Variants in NDN observed in about 807,000 individuals in gnomAD.
NDN encodes the protein necdin, MAGE family member.
For synonymous variants in NDN, 245 were observed against 189.4 expected (o/e 1.29, Z -2.41); for missense variants, 465 against 440.4 (o/e 1.06, Z -0.50).
Position 23,686,707 on chromosome 15 carries a change from G to C in NDN, c.511C>G (p.Leu171Val), listed in dbSNP as rs1362894260. ...HTMEFALVKALEPEELDRVAL... is the reference protein window; with the variant it reads ...HTMEFALVKAVEPEELDRVAL... ...ACCCTGTCCAGCTCCTCGGGCTCCA[G>C]CGCTTTGACCAGCGCAAACTCCATG... Residue 171 changes from leucine to valine, a missense_variant, in exon 1 of 1, where the codon CTG (leucine) becomes GTG (valine). By Grantham distance (32) the Leu-to-Val change is conservative. Coordinates refer to ENST00000649030, the MANE Select transcript of NDN (RefSeq NM_002487.3). The C allele has an allele frequency of 3.1e-6, 5 of 1,613,926 alleles. No individual in the cohort carries two copies. The African/African-American group carries it at 6.7e-5, about 21-fold the overall frequency.
chr15:23,686,340 C>T lies in NDN; in HGVS notation c.878G>A (p.Arg293Gln), dbSNP rs868081273. The change falls in exon 1 of 1, where the codon CGA (arginine) becomes CAA (glutamine). Residue 293 changes from arginine (R) to glutamine (Q), a missense_variant. Arg to Gln is a conservative substitution (Grantham distance 43). Transcript: ENST00000649030. ...GGCCTCCTCCAGAGCTTCTCTGTAT[C>T]GGGAGGGCCAGGCCTGGGGGTCTTT... ...FKKDPQAWPS[R>Q]YREALEEARA... The T allele has an allele frequency of 6.4e-7, 1 of 1,573,912 alleles. No homozygotes were observed.
In NDN at chr15:23,686,576, C is replaced by T; in HGVS notation, c.642G>A (p.Leu214=). 3.7e-6 allele frequency: 6 copies of T among 1,613,282 alleles called. No individual in the cohort carries two copies. The highest frequency in any genetic ancestry group is 5.1e-6 in the Non-Finnish European group (6 of 1,179,954). The change falls in exon 1 of 1, where the codon CTG becomes CTA. Residue 214 remains leucine (L), a synonymous_variant. Transcript: ENST00000649030. Reference sequence around the variant, plus strand: ...TCCAGGGCCGCAGCCCCAGGATGCGCAGCACGTTCCAGACGGCGCTCTCTC... The same window carrying T: ...TCCAGGGCCGCAGCCCCAGGATGCGTAGCACGTTCCAGACGGCGCTCTCTC... ...GARESAVWNV[L]RILGLRPWKK...
rs1358257392 is a variant in NDN at position 23,686,249 on chromosome 15, T to C, written c.*3A>G. The C allele has an allele frequency of 2.2e-5, 33 of 1,507,398 alleles. No individual in the cohort carries two copies. Among genetic ancestry groups the C allele is most frequent in the Non-Finnish European group, 2.7e-5 (30 of 1,129,910 alleles). 93.4% of individuals were successfully genotyped at this position (1,507,398 alleles called of 1,614,324 possible). On this transcript the variant is annotated 3_prime_UTR_variant, in exon 1 of 1. Coordinates refer to ENST00000649030, the MANE Select transcript of NDN (RefSeq NM_002487.3). ...GAAACCATTCATCTGCCTCCAGACTTTGCTAGTCCTCAGAGACACTGCTGC... is the reference window on the plus strand; with the variant it reads ...GAAACCATTCATCTGCCTCCAGACTCTGCTAGTCCTCAGAGACACTGCTGC...
chr15:23,686,264 G>C lies in NDN; in HGVS notation c.954C>G (p.Val318=). The change falls in exon 1 of 1, where the codon GTC becomes GTG. Residue 318 remains valine, a synonymous_variant. Transcript: ENST00000649030. ...NPTAHYPRSS[V]SED ...CCTCCAGACTTTGCTAGTCCTCAGA[G>C]ACACTGCTGCGAGGGTAGTGGGCAG... is the stretch of plus-strand genomic sequence containing the variant. 1.3e-6 allele frequency: 2 copies of C among 1,509,660 alleles called. No individual in the cohort carries two copies. Among genetic ancestry groups the C allele is most frequent in the Non-Finnish European group, 1.8e-6 (2 of 1,130,632 alleles). The allele number at this position is 1,509,660 out of a possible 1,614,324, so 93.5% of individuals were successfully genotyped here.
chr15:23,686,979 T>C lies in NDN; in HGVS notation c.239A>G (p.His80Arg), dbSNP rs1262955919. ...CGGCTGGGCCGCGCTCGGGGCCTGG[T>C]GGGCGCGGCCCTCCTCCGCAGCCTG... The part of the protein sequence containing the change: ...LQQAAEEGRA[H>R]QAPSAAQPGP... Residue 80 changes from histidine to arginine, a missense_variant, in exon 1 of 1, where the codon CAC becomes CGC. Physicochemically the swap from His to Arg is conservative, Grantham distance 29. Transcript: ENST00000649030. The C allele has an allele frequency of 4.0e-6, 6 of 1,499,394 alleles. No individual in the cohort carries two copies. The African/African-American group carries it at 8.5e-5, about 21-fold the overall frequency. 92.9% of individuals were successfully genotyped at this position (1,499,394 alleles called of 1,614,324 possible). A position where few individuals can be genotyped will look rare whatever the true frequency, so the allele number is the denominator to read the frequency against.
rs1381597408 is a variant in NDN at position 23,687,110 on chromosome 15, C to G, written c.108G>C (p.Ala36=). The change falls in exon 1 of 1, where the codon GCG becomes GCC. Residue 36 remains alanine, a synonymous_variant. Coordinates refer to ENST00000649030, the MANE Select transcript of NDN (RefSeq NM_002487.3). ...PGVSEGVPPS[A]TLAEPQSPPL... is the part of the protein sequence containing the mutation. Reference sequence around the variant, plus strand: ...GAGGGCTCTGCGGCTCTGCCAGGGTCGCGGACGGAGGAACCCCCTCCGAAA... The same window carrying G: ...GAGGGCTCTGCGGCTCTGCCAGGGTGGCGGACGGAGGAACCCCCTCCGAAA... 6.3e-7 allele frequency: 1 copy of G among 1,582,710 alleles called. No individual in the cohort carries two copies.
rs545632663 is a variant in NDN, at chr15:23,685,921, C to A, written c.*331G>T. The A allele has an allele frequency of 6.0e-6, 1 of 167,776 alleles. No individual in the cohort carries two copies. The highest frequency in any genetic ancestry group is 5.9e-5 in the Admixed American group (1 of 16,864). The allele number at this position is 167,776 out of a possible 1,614,324, so 10.4% of individuals were successfully genotyped here. On this transcript the variant is annotated 3_prime_UTR_variant, in exon 1 of 1. Transcript: ENST00000649030. ...AGGAGCAGTCTACCCCAACACACAT[C>A]ATCAGTCCCATATAAAAGAATAAGA...
At position 23,686,939 on chromosome 15, in the gene NDN, T is replaced by TGGCGGTGCCGGGCCC; in HGVS notation, c.264_278dup (p.Gly89_Pro93dup). The TGGCGGTGCCGGGCCC allele has an allele frequency of 6.8e-6, 11 of 1,607,536 alleles. No homozygotes were observed. Among genetic ancestry groups the TGGCGGTGCCGGGCCC allele is most frequent in the Non-Finnish European group, 8.5e-6 (10 of 1,176,878 alleles). ...CCTTCTGCACCAGCTGCGCCGGGGCTGGCGGTGCCGGGCCCGGCTGGGCCG... is the reference window on the plus strand; with the variant it reads ...CCTTCTGCACCAGCTGCGCCGGGGCTGGCGGTGCCGGGCCCGGCGGTGCCGGGCCCGGCTGGGCCG... On this transcript the variant is annotated inframe_insertion, in exon 1 of 1. Coordinates refer to ENST00000649030, the MANE Select transcript of NDN (RefSeq NM_002487.3).
At position 23,687,108 on chromosome 15, in the gene NDN, G is replaced by A. The variant is rs1358028231; in HGVS notation, c.110C>T (p.Thr37Ile). The change falls in exon 1 of 1, where the codon ACC becomes ATC. Residue 37 changes from threonine to isoleucine, a missense_variant. Physicochemically the swap from Thr to Ile is moderately conservative, Grantham distance 89 (BLOSUM62 -1). Coordinates refer to ENST00000649030, the MANE Select transcript of NDN (RefSeq NM_002487.3). ...GVSEGVPPSA[T>I]LAEPQSPPLG... Reference sequence around the variant, plus strand: ...AGGAGGGCTCTGCGGCTCTGCCAGGGTCGCGGACGGAGGAACCCCCTCCGA... The same window carrying A: ...AGGAGGGCTCTGCGGCTCTGCCAGGATCGCGGACGGAGGAACCCCCTCCGA... 6.3e-7 allele frequency: 1 copy of A among 1,582,048 alleles called. No homozygotes were observed. The highest frequency in any genetic ancestry group is 8.6e-7 in the Non-Finnish European group (1 of 1,166,758).
chr15:23,687,277 C>T lies in NDN; in HGVS notation c.-60G>A, dbSNP rs1160836658. ...TCCAGGAGCTCTTCGAGCCTGCGCT[C>T]CCTCCGCGGATTCCTGGAGAGGAAG... On this transcript the variant is annotated 5_prime_UTR_variant, in exon 1 of 1. Coordinates refer to ENST00000649030, the MANE Select transcript of NDN (RefSeq NM_002487.3). 7 of 1,342,120 alleles carry T rather than the reference C, an allele frequency of 5.2e-6. No homozygotes were observed. Among genetic ancestry groups the T allele is most frequent in the Non-Finnish European group, 6.7e-6 (7 of 1,039,956 alleles). 83.1% of individuals were successfully genotyped at this position (1,342,120 alleles called of 1,614,324 possible).
In NDN at chr15:23,686,283, T is replaced by C; in HGVS notation, c.935A>G (p.His312Arg). 1 of 1,512,682 alleles carries C rather than the reference T, an allele frequency of 6.6e-7. No homozygotes were observed. Among genetic ancestry groups the C allele is most frequent in the East Asian group, 2.3e-5 (1 of 43,876 alleles). The allele number at this position is 1,512,682 out of a possible 1,614,324, so 93.7% of individuals were successfully genotyped here. ...RALREANPTA[H>R]YPRSSVSED Reference sequence around the variant, plus strand: ...CTCAGAGACACTGCTGCGAGGGTAGTGGGCAGTGGGATTAGCCTCCCGCAG... The same window carrying C: ...CTCAGAGACACTGCTGCGAGGGTAGCGGGCAGTGGGATTAGCCTCCCGCAG... The change falls in exon 1 of 1, where the codon CAC (histidine) becomes CGC (arginine). Residue 312 changes from histidine (H) to arginine (R), a missense_variant. His to Arg is a conservative substitution (Grantham distance 29, BLOSUM62 0). Coordinates refer to ENST00000649030, the MANE Select transcript of NDN (RefSeq NM_002487.3).
In NDN at chr15:23,687,266, G is replaced by C. The variant is rs1891170789; in HGVS notation, c.-49C>G. 1.5e-5 allele frequency: 20 copies of C among 1,357,212 alleles called. No homozygotes were observed. Among genetic ancestry groups the C allele is most frequent in the East Asian group, 5.6e-5 (2 of 35,646 alleles). 84.1% of individuals were successfully genotyped at this position (1,357,212 alleles called of 1,614,324 possible). On this transcript the variant is annotated 5_prime_UTR_variant, in exon 1 of 1. Coordinates refer to ENST00000649030, the MANE Select transcript of NDN (RefSeq NM_002487.3). ...GGGCCTCTGCGTCCAGGAGCTCTTC[G>C]AGCCTGCGCTCCCTCCGCGGATTCC...
rs781749304 is a variant in NDN, at chr15:23,686,925, A to C, written c.293T>G (p.Leu98Arg). The stretch of plus-strand genomic sequence containing the variant: ...CATGAGCTCGTGCGCCTTCTGCACC[A>C]GCTGCGCCGGGGCTGGCGGTGCCGG... ...PGPAPPAPAQ[L>R]VQKAHELMWY... The change falls in exon 1 of 1, where the codon CTG (leucine) becomes CGG (arginine). Residue 98 changes from leucine to arginine, a missense_variant. Transcript: ENST00000649030. 1 of 1,612,444 alleles carries C rather than the reference A, an allele frequency of 6.2e-7. No individual in the cohort carries two copies. Among genetic ancestry groups the C allele is most frequent in the Non-Finnish European group, 8.5e-7 (1 of 1,179,448 alleles).
Position 23,686,189 on chromosome 15 carries a change from C to G in NDN, c.*63G>C, listed in dbSNP as rs1891140304. ...TGTAAATCCTGAATACTATAATGAC[C>G]CACCCCCACCCTTCCACAGCCCTGG... On this transcript the variant is annotated 3_prime_UTR_variant, in exon 1 of 1. Transcript: ENST00000649030. 5 of 1,485,022 alleles carry G rather than the reference C, an allele frequency of 3.4e-6. No homozygotes were observed. Among genetic ancestry groups the G allele is most frequent in the South Asian group, 1.5e-5 (1 of 67,358 alleles). 92.0% of individuals were successfully genotyped at this position (1,485,022 alleles called of 1,614,324 possible).
At position 23,686,815 on chromosome 15, in the gene NDN, A is replaced by T; in HGVS notation, c.403T>A (p.Trp135Arg). The change falls in exon 1 of 1, where the codon TGG (tryptophan) becomes AGG (arginine). Residue 135 changes from tryptophan (W) to arginine (R), a missense_variant. By Grantham distance (101) the Trp-to-Arg change is moderately radical (BLOSUM62 -3). Coordinates refer to ENST00000649030, the MANE Select transcript of NDN (RefSeq NM_002487.3). ...VKDVIGSYKK[W>R]CRSILRRTSL... ...GTGCGCCGGAGGATGCTCCTGCACCACTTCTTGTAGCTGCCGATGACATCT... is the reference window on the plus strand; with the variant it reads ...GTGCGCCGGAGGATGCTCCTGCACCTCTTCTTGTAGCTGCCGATGACATCT... 1 of 1,613,976 alleles carries T rather than the reference A, an allele frequency of 6.2e-7. No homozygotes were observed. Among genetic ancestry groups the T allele is most frequent in the Non-Finnish European group, 8.5e-7 (1 of 1,180,020 alleles).
chr15:23,686,766 A>C lies in NDN; in HGVS notation c.452T>G (p.Phe151Cys). The C allele has an allele frequency of 6.2e-7, 1 of 1,614,014 alleles. No individual in the cohort carries two copies. Among genetic ancestry groups the C allele is most frequent in the South Asian group, 1.1e-5 (1 of 91,084 alleles). The part of the protein sequence containing the change: ...RRTSLILARV[F>C]GLHLRLTSLH... ...GCTGGTTAGCCTCAGGTGCAGCCCG[A>C]ACACCCGGGCGAGGATGAGGCTGGT... is the stretch of plus-strand genomic sequence containing the variant. The change falls in exon 1 of 1, where the codon TTC (phenylalanine) becomes TGC (cysteine). Residue 151 changes from phenylalanine (F) to cysteine (C), a missense_variant. Coordinates refer to ENST00000649030, the MANE Select transcript of NDN (RefSeq NM_002487.3).
In NDN at chr15:23,687,038, G is replaced by A. The variant is rs535050896; in HGVS notation, c.180C>T (p.Ala60=). 9 of 1,511,502 alleles carry A rather than the reference G, an allele frequency of 6.0e-6. No individual in the cohort carries two copies. Among genetic ancestry groups the A allele is most frequent in the African/African-American group, 5.7e-5 (4 of 69,658 alleles). The allele number at this position is 1,511,502 out of a possible 1,614,324, so 93.6% of individuals were successfully genotyped here. Residue 60 remains alanine, a synonymous_variant, in exon 1 of 1, where the codon GCC becomes GCT. Transcript: ENST00000649030. ...CCTTCGGGTCGCCCTCGTCGTTCGGGGCCTGGGGAGGCGGCGCGGCCTGCG... is the reference window on the plus strand; with the variant it reads ...CCTTCGGGTCGCCCTCGTCGTTCGGAGCCTGGGGAGGCGGCGCGGCCTGCG... The part of the protein sequence containing the change: ...AAPQAAPPPQ[A]PNDEGDPKAL...
chr15:23,686,746 T>G lies in NDN; in HGVS notation c.472A>C (p.Thr158Pro), dbSNP rs1330889844. 6.2e-7 allele frequency: 1 copy of G among 1,613,918 alleles called. No homozygotes were observed. Among genetic ancestry groups the G allele is most frequent in the Admixed American group, 1.7e-5 (1 of 60,012 alleles). The change falls in exon 1 of 1, where the codon ACC becomes CCC. Residue 158 changes from threonine (T) to proline (P), a missense_variant. By Grantham distance (38) the Thr-to-Pro change is conservative. Coordinates refer to ENST00000649030, the MANE Select transcript of NDN (RefSeq NM_002487.3). ...GCAAACTCCATGGTGTGCAGGCTGG[T>G]TAGCCTCAGGTGCAGCCCGAACACC... ...ARVFGLHLRL[T>P]SLHTMEFALV... is the part of the protein sequence containing the mutation.
Position 23,686,051 on chromosome 15 carries a change from A to C in NDN, c.*201T>G, listed in dbSNP as rs1891138047. 3.7e-6 allele frequency: 2 copies of C among 535,996 alleles called. No individual in the cohort carries two copies. The highest frequency in any genetic ancestry group is 1.6e-4 in the South Asian group (2 of 12,168). The allele number at this position is 535,996 out of a possible 1,614,324, so 33.2% of individuals were successfully genotyped here. A position where few individuals can be genotyped will look rare whatever the true frequency, so the allele number is the denominator to read the frequency against. On this transcript the variant is annotated 3_prime_UTR_variant, in exon 1 of 1. Coordinates refer to ENST00000649030, the MANE Select transcript of NDN (RefSeq NM_002487.3). ...GCACCAACCAAGCTTACATATAAACAAACATGCATACATCCTAAATACTAC... is the reference window on the plus strand; with the variant it reads ...GCACCAACCAAGCTTACATATAAACCAACATGCATACATCCTAAATACTAC...
Sources: allele counts gnomAD v4.1 joint callset, GRCh38; gene constraint gnomAD v4.1.1; transcripts MANE v1.5; gene names NCBI Gene and HGNC (gene_info 2026-07-23, HGNC 2026-07-21).